The following FER variants were observed in gnomAD, a reference collection of about 807,000 sequenced individuals.
FER encodes tyrosine-protein kinase Fer.
Under a neutral mutation model 111.0 loss-of-function variants are expected in FER, and 63 were observed. The ratio of observed to expected loss-of-function variants is 0.57; its 90% CI spans 0.46 to 0.70. The LOEUF (loss-of-function observed/expected upper bound fraction) is 0.70, where lower values mean the gene tolerates loss of function less well. FER is among the 30% of genes least tolerant of loss of function. FER has a pLI of 0.00. For missense variants in FER, 914 were observed against 954.0 expected (o/e 0.96, Z 0.55); for synonymous variants, 327 against 313.9 (o/e 1.04, Z -0.44).
At chr5:109,062,022 TTTGCTTGC>T (rs112245118) in intron 16 of FER, among the ~76,000 whole-genome samples, 13 of 150,654 alleles carry the variant, frequency 8.6e-5, no homozygotes, top group African/African-American at 1.2e-4. Flanking sequence ...TTATGAATAC[TTTGCTTGC>T]TTGCTTGCTT....
At chr5:109,084,576 A>T (rs557743533) in intron 16 of FER, among the ~76,000 whole-genome samples, 25 of 151,302 alleles carry the variant, frequency 1.7e-4, no homozygotes, top group Non-Finnish European at 3.0e-4. Flanking sequence ...ATATATTTTG[A>T]TAAGCAAAAG....
At chr5:109,066,337 C>G (rs1355767138) in intron 16 of FER, among the ~76,000 whole-genome samples, 2 of 152,056 alleles carry the variant, frequency 1.3e-5, no homozygotes, top group African/African-American at 4.8e-5. Context: ...ATGAGAGACT[C>G]AAATATCTAT....
In FER at chr5:109,186,274, C is replaced by T; in HGVS notation, c.2278C>T (p.Pro760Ser). The change falls in exon 19 of 20, where the codon CCG becomes TCG. Residue 760 changes from proline to serine, a missense_variant. By Grantham distance (74) the Pro-to-Ser change is moderately conservative. Coordinates refer to ENST00000281092, the MANE Select transcript of FER (RefSeq NM_005246.4). ...LWETFSLGVC[P>S]YPGMTNQQAR... ...GGAGACCTTCAGCTTAGGGGTTTGT[C>T]CGTACCCTGGAATGACAAATCAGCA... The T allele has an allele frequency of 6.2e-7, 1 of 1,614,048 alleles. No individual in the cohort carries two copies. The highest frequency in any genetic ancestry group is 1.3e-5 in the African/African-American group (1 of 75,012).
rs1424284955 is a variant in FER at position 109,187,721 on chromosome 5, G to T, written c.*146G>T. On this transcript the variant is annotated 3_prime_UTR_variant, in exon 20 of 20. Transcript: ENST00000281092. ...TATTAACTGGGTGTTTTAAAAGTACGTTCCACTTGTAAAAAGTCAAAGGCA... is the reference window on the plus strand; with the variant it reads ...TATTAACTGGGTGTTTTAAAAGTACTTTCCACTTGTAAAAAGTCAAAGGCA... The T allele has an allele frequency of 7.6e-6, 8 of 1,049,310 alleles. No homozygotes were observed. The highest frequency in any genetic ancestry group is 1.6e-5 in the African/African-American group (1 of 61,914). The allele number at this position is 1,049,310 out of a possible 1,614,324, so 65.0% of individuals were successfully genotyped here. A position where few individuals can be genotyped will look rare whatever the true frequency, so the allele number is the denominator to read the frequency against.
At chr5:108,985,477 T>G (rs537476929) in intron 13 of FER, among the ~76,000 whole-genome samples, 1 of 152,238 alleles carries the variant, frequency 6.6e-6, no homozygotes, top group African/African-American at 2.4e-5. Flanking sequence ...AGGTGGTGTT[T>G]GCTTACATGA....
At chr5:109,148,283 G>C (rs1754455694) in intron 17 of FER, among the ~76,000 whole-genome samples, 1 of 152,058 alleles carries the variant, frequency 6.6e-6, no homozygotes, top group Non-Finnish European at 1.5e-5. Context: ...AGATTCTTTT[G>C]AGGCATCTTT....
chr5:108,990,694 T>C (rs1302061976), intron 13 of FER, among the ~76,000 whole-genome samples: 1 of 151,610 alleles, frequency 6.6e-6, no homozygotes, highest in African/African-American at 2.4e-5. Context: ...ACACAGAAAA[T>C]ACATCTTTAT....
chr5:108,957,712 A>T (rs1381622274), intron 12 of FER, among the ~76,000 whole-genome samples: 1 of 151,568 alleles, frequency 6.6e-6, no homozygotes, highest in Non-Finnish European at 1.5e-5. Context: ...GTGTCCATTA[A>T]CATTTATTAT....
At chr5:109,123,477 T>C (rs1751277467) in intron 17 of FER, among the ~76,000 whole-genome samples, 1 of 151,890 alleles carries the variant, frequency 6.6e-6, no homozygotes, top group South Asian at 2.1e-4. Flanking sequence ...TGGTTTTTTT[T>C]TAGTGAAGGT....
intron 16 of FER, among the ~76,000 whole-genome samples, chr5:109,090,556 T>C (rs1778053729): frequency 6.6e-6 from 1 of 152,198 alleles, no homozygotes; most frequent in East Asian, 1.9e-4. Flanking sequence ...TAAAGTTCAG[T>C]GCTTTGCATG....
At chr5:109,019,656 T>C (rs1158416029) in intron 13 of FER, among the ~76,000 whole-genome samples, 2 of 151,768 alleles carry the variant, frequency 1.3e-5, no homozygotes, top group East Asian at 3.9e-4. Flanking sequence ...CTCCAGTTGA[T>C]TCTGATGCAG....
chr5:108,879,700 AAATATATATAT>A (rs1271941152), intron 8 of FER, among the ~76,000 whole-genome samples: 1 of 119,338 alleles, frequency 8.4e-6, no homozygotes, highest in African/African-American at 4.3e-5. Flanking sequence ...GATTAAAAAA[AAATATATATAT>A]ATATATATAT....
At chr5:109,077,452 A>C (rs1375110020) in intron 16 of FER, among the ~76,000 whole-genome samples, 7 of 152,296 alleles carry the variant, frequency 4.6e-5, no homozygotes, top group Admixed American at 6.5e-5. Context: ...TCATCTTTTA[A>C]AATAATATAC....
At chr5:109,040,298 A>T (rs975611320) in intron 14 of FER, among the ~76,000 whole-genome samples, 1 of 152,104 alleles carries the variant, frequency 6.6e-6, no homozygotes, top group Non-Finnish European at 1.5e-5. Context: ...GTGAGTCTAG[A>T]TGAAGAAGAG....
At chr5:109,030,613 G>T (rs1329780593) in intron 13 of FER, among the ~76,000 whole-genome samples, 2 of 152,172 alleles carry the variant, frequency 1.3e-5, no homozygotes, top group Non-Finnish European at 2.9e-5. Flanking sequence ...GCCTCTAGGA[G>T]TAGAGGGAAT....
At chr5:108,845,046 A>G (rs1580840267) in intron 5 of FER, among the ~76,000 whole-genome samples, 1 of 53,460 alleles carries the variant, frequency 1.9e-5, no homozygotes, top group East Asian at 4.9e-4. Context: ...ATATACATAT[A>G]TATATATATA....
At chr5:109,001,512 C>G (rs1002486314) in intron 13 of FER, among the ~76,000 whole-genome samples, 1 of 152,084 alleles carries the variant, frequency 6.6e-6, no homozygotes, top group Admixed American at 6.5e-5. Context: ...CTATGACAAA[C>G]CCACTGCCAA....
At chr5:108,859,426 G>C (rs1242830066) in intron 5 of FER, among the ~76,000 whole-genome samples, 1 of 152,130 alleles carries the variant, frequency 6.6e-6, no homozygotes, top group Non-Finnish European at 1.5e-5. Flanking sequence ...GCTTTGGGAG[G>C]GGGAGAGATC....
chr5:108,763,169 T>C (rs1751952371), intron 1 of FER, among the ~76,000 whole-genome samples: 1 of 151,690 alleles, frequency 6.6e-6, no homozygotes, highest in East Asian at 1.9e-4. Context: ...AAAAAAAAAA[T>C]GTGTCGTTGC....
Sources: gnomAD v4.1 joint callset for allele counts (sites outside exome capture counted in the v4.1 genomes callset) on GRCh38, gnomAD v4.1.1 for gene constraint, MANE v1.5 for transcripts, NCBI Gene and HGNC (gene_info 2026-07-23, HGNC 2026-07-21) for gene names.